FXYD4: variants seen among roughly 807,000 people sequenced by gnomAD.
FXYD4 encodes FXYD domain-containing ion transport regulator 4.
A neutral mutation model predicts 18.3 loss-of-function variants in FXYD4; 14 were observed. The observed-to-expected ratio is 0.77, with a 90% CI of 0.51 to 1.20. FXYD4 has a LOEUF of 1.20. Ranked by LOEUF, FXYD4 falls within the 50% of genes most tolerant of loss-of-function variation. The pLI, the probability that FXYD4 is intolerant of heterozygous loss-of-function variation, is 0.00. For synonymous variants in FXYD4, 40 were observed against 40.5 expected (o/e 0.99, Z 0.04); for missense variants, 99 against 106.1 (o/e 0.93, Z 0.29).
Position 43,373,574 on chromosome 10 carries a change from A to G in FXYD4, c.-173A>G, listed in dbSNP as rs1343837100. ...AGTTACTTTCCCAAGATCTCCCCAC[A>G]AGCAAGTGTATCCTTGGGGTTTGTA... On this transcript the variant is annotated 5_prime_UTR_variant, in exon 3 of 9. Transcript: ENST00000476166. 12 of 633,310 alleles carry G rather than the reference A, an allele frequency of 1.9e-5. No individual in the cohort carries two copies. The South Asian group carries it at 2.1e-4, about 11-fold the overall frequency. The allele number at this position is 633,310 out of a possible 1,614,324, so 39.2% of individuals were successfully genotyped here.
intron 7 of FXYD4, 113 bp from the exon 8 acceptor site, chr10:43,375,919 T>C: frequency 3.1e-6 from 4 of 1,281,654 alleles, no homozygotes; most frequent in South Asian, 2.4e-5. Flanking sequence ...GAAGTGACCA[T>C]GGAAGGAGAG....
In FXYD4 at chr10:43,371,639, C is replaced by G. The variant is rs1308926100; in HGVS notation, c.-337C>G. The G allele has an allele frequency of 1.3e-5, 2 of 152,142 alleles. No individual in the cohort carries two copies. Among genetic ancestry groups the G allele is most frequent in the Non-Finnish European group, 2.9e-5 (2 of 68,076 alleles). The allele number at this position is 152,142 out of a possible 1,614,324, so 9.4% of individuals were successfully genotyped here. A position where few individuals can be genotyped will look rare whatever the true frequency, so the allele number is the denominator to read the frequency against. ...GCCGACCCACGTGCCCAGCAGCCTC[C>G]TCAGATCCGTTCTCTGCGCTGCCAG... On this transcript the variant is annotated 5_prime_UTR_variant, in exon 1 of 9. Coordinates refer to ENST00000476166, the MANE Select transcript of FXYD4 (RefSeq NM_173160.3).
Position 43,376,265 on chromosome 10 carries a change from A to G in FXYD4, c.*99A>G. Reference sequence around the variant, plus strand: ...ATCCTCAAGGAAGGACTTCTCTCCAAGGGCAGGCTGTTAGGCCCCTTTCTG... The same window carrying G: ...ATCCTCAAGGAAGGACTTCTCTCCAGGGGCAGGCTGTTAGGCCCCTTTCTG... On this transcript the variant is annotated 3_prime_UTR_variant, in exon 9 of 9. Transcript: ENST00000476166. 1 of 1,352,500 alleles carries G rather than the reference A, an allele frequency of 7.4e-7. No individual in the cohort carries two copies. Among genetic ancestry groups the G allele is most frequent in the Non-Finnish European group, 1.1e-6 (1 of 950,748 alleles). 83.8% of individuals were successfully genotyped at this position (1,352,500 alleles called of 1,614,324 possible). A position where few individuals can be genotyped will look rare whatever the true frequency, so the allele number is the denominator to read the frequency against.
chr10:43,373,157 G>A (rs1837828516), intron 2 of FXYD4, among the ~76,000 whole-genome samples: 1 of 152,066 alleles, frequency 6.6e-6, no homozygotes, highest in Non-Finnish European at 1.5e-5. Flanking sequence ...CTTTTGTGGA[G>A]GCTCTCTGGG....
chr10:43,372,118 C>T (rs1837815046), intron 1 of FXYD4, among the ~76,000 whole-genome samples: 1 of 151,406 alleles, frequency 6.6e-6, no homozygotes, highest in South Asian at 2.1e-4. Context: ...CCTCGTATTC[C>T]AGGAACTCCA....
Position 43,375,570 on chromosome 10 carries a change from C to G in FXYD4, c.169C>G (p.Leu57Val). The change falls in exon 6 of 9, where the codon CTG becomes GTG. Residue 57 changes from leucine to valine, a missense_variant. Transcript: ENST00000476166. ...LLAIAGIAAV[L>V]SGKCKCKSSQ... Reference sequence around the variant, plus strand: ...GGCCATTGCTGGGATCGCGGCAGTTCTGAGTGAGTGGCAGGACAGGTGGGG... The same window carrying G: ...GGCCATTGCTGGGATCGCGGCAGTTGTGAGTGAGTGGCAGGACAGGTGGGG... 1.9e-6 allele frequency: 3 copies of G among 1,613,744 alleles called. No individual in the cohort carries two copies. The highest frequency in any genetic ancestry group is 2.5e-6 in the Non-Finnish European group (3 of 1,179,708).
Position 43,375,642 on chromosome 10 carries a change from G to A in FXYD4, c.173-53G>A. Reference sequence around the variant, plus strand: ...GCGGACAGGGTGGGGCAGAAAGAGAGAGTGCTCTCATTCCAGCACTGACCC... The same window carrying A: ...GCGGACAGGGTGGGGCAGAAAGAGAAAGTGCTCTCATTCCAGCACTGACCC... On this transcript the variant is annotated intron_variant, in intron 6 of 8. Coordinates refer to ENST00000476166, the MANE Select transcript of FXYD4 (RefSeq NM_173160.3). 3 of 1,608,782 alleles carry A rather than the reference G, an allele frequency of 1.9e-6. No individual in the cohort carries two copies. The Admixed American group carries it at 5.0e-5, about 27-fold the overall frequency.
At position 43,373,508 on chromosome 10, in the gene FXYD4, C is replaced by G. The variant is rs1427342616; in HGVS notation, c.-232-7C>G. On this transcript the variant is annotated splice_region_variant and splice_polypyrimidine_tract_variant and intron_variant, in intron 2 of 8. Coordinates refer to ENST00000476166, the MANE Select transcript of FXYD4 (RefSeq NM_173160.3). ...TTGTGCTTACTCAATCCACACAACT[C>G]CCCCAGGCCACCACCATCTCTAGAT... 14 of 577,286 alleles carry G rather than the reference C, an allele frequency of 2.4e-5. No homozygotes were observed. Among genetic ancestry groups the G allele is most frequent in the South Asian group, 4.3e-5 (2 of 46,730 alleles). 35.8% of individuals were successfully genotyped at this position (577,286 alleles called of 1,614,324 possible). A position where few individuals can be genotyped will look rare whatever the true frequency, so the allele number is the denominator to read the frequency against.
At chr10:43,375,962 G>C in intron 7 of FXYD4, 70 bp from the exon 8 acceptor site, 1 of 1,526,166 alleles carries the variant, frequency 6.6e-7, no homozygotes, top group South Asian at 1.1e-5. Context: ...CGGGCAGCAA[G>C]AGTCTGGGAT....
chr10:43,372,380 G>T (rs1837819148), intron 1 of FXYD4, among the ~76,000 whole-genome samples: 1 of 152,156 alleles, frequency 6.6e-6, no homozygotes, highest in Non-Finnish European at 1.5e-5. Flanking sequence ...CACCTTCCAG[G>T]TTTAAGTGAT....
chr10:43,375,585 G>C lies in FXYD4; in HGVS notation c.172+12G>C. On this transcript the variant is annotated intron_variant, in intron 6 of 8. Coordinates refer to ENST00000476166, the MANE Select transcript of FXYD4 (RefSeq NM_173160.3). ...CGCGGCAGTTCTGAGTGAGTGGCAG[G>C]ACAGGTGGGGCTGGAGGACAGGGTG... 6.2e-7 allele frequency: 1 copy of C among 1,612,876 alleles called. No homozygotes were observed. Among genetic ancestry groups the C allele is most frequent in the Non-Finnish European group, 8.5e-7 (1 of 1,178,898 alleles).
rs373942275 is a variant in FXYD4 at position 43,376,060 on chromosome 10, A to G, written c.241A>G (p.Ile81Val). The G allele has an allele frequency of 1.9e-5, 31 of 1,613,986 alleles. No individual in the cohort carries two copies. Among genetic ancestry groups the G allele is most frequent in the Non-Finnish European group, 2.5e-5 (29 of 1,180,002 alleles). ...TGTACCTGAGAAGGCCATCCCACTC[A>G]TCACTCCAGGTGAGACGGGCTTCTG... ...SPVPEKAIPL[I>V]TPGSATTC Residue 81 changes from isoleucine (I) to valine (V), a missense_variant, in exon 8 of 9, where the codon ATC becomes GTC. Transcript: ENST00000476166.
In FXYD4 at chr10:43,376,194, T is replaced by C. The variant is rs748379825; in HGVS notation, c.*28T>C. The C allele has an allele frequency of 4.6e-5, 74 of 1,612,158 alleles. No homozygotes were observed. Among genetic ancestry groups the C allele is most frequent in the Non-Finnish European group, 6.1e-5 (72 of 1,179,404 alleles). On this transcript the variant is annotated 3_prime_UTR_variant, in exon 9 of 9. Transcript: ENST00000476166. The stretch of plus-strand genomic sequence containing the variant: ...ACAGGACTGGCCTCCAGGGATGGCC[T>C]GAAGCCTAACACTGGCCCCCAGCAC...
chr10:43,376,246 A>C lies in FXYD4; in HGVS notation c.*80A>C. ...TCCTCCCCTGGGAGGCCTTATCCTC[A>C]AGGAAGGACTTCTCTCCAAGGGCAG... On this transcript the variant is annotated 3_prime_UTR_variant, in exon 9 of 9. Transcript: ENST00000476166. 8.1e-6 allele frequency: 12 copies of C among 1,488,962 alleles called. No individual in the cohort carries two copies. Among genetic ancestry groups the C allele is most frequent in the Non-Finnish European group, 1.1e-5 (12 of 1,069,896 alleles). 92.2% of individuals were successfully genotyped at this position (1,488,962 alleles called of 1,614,324 possible). A position where few individuals can be genotyped will look rare whatever the true frequency, so the allele number is the denominator to read the frequency against.
In FXYD4 at chr10:43,375,709, T is replaced by C; in HGVS notation, c.187T>C (p.Cys63Arg). The change falls in exon 7 of 9, where the codon TGC becomes CGC. Residue 63 changes from cysteine (C) to arginine (R), a missense_variant. Cys to Arg is a radical substitution (Grantham distance 180). Transcript: ENST00000476166. ...CTCTCTCCCAGGTGGCAAATGCAAA[T>C]GCAAGAGCAGCCAGAAGCAGCACAG... ...IAAVLSGKCK[C>R]KSSQKQHSPV... 6.2e-7 allele frequency: 1 copy of C among 1,614,062 alleles called. No homozygotes were observed. The highest frequency in any genetic ancestry group is 2.2e-5 in the East Asian group (1 of 44,866).
At chr10:43,372,437 AC>A (rs764803175) in intron 1 of FXYD4, among the ~76,000 whole-genome samples, 6 of 152,042 alleles carry the variant, frequency 3.9e-5, no homozygotes, top group Non-Finnish European at 7.4e-5. Flanking sequence ...GGCGCCTGTC[AC>A]CACACTCAGC....
chr10:43,374,747 G>A (rs1837848255), intron 5 of FXYD4, 108 bp downstream of exon 5: 2 of 913,124 alleles, frequency 2.2e-6, no homozygotes, highest in East Asian at 4.8e-5. Context: ...AAGTGGGATG[G>A]GGGATTAAAC....
chr10:43,372,667 G>A (rs1277944731), intron 1 of FXYD4, 60 bp from the exon 2 acceptor site: 1 of 152,220 alleles, frequency 6.6e-6, no homozygotes. Context: ...AGTAGTTCAC[G>A]TAATTCCATC....
In FXYD4 at chr10:43,372,738, A is replaced by G. The variant is rs1173891457; in HGVS notation, c.-267A>G. The G allele has an allele frequency of 6.6e-6, 1 of 152,226 alleles. No homozygotes were observed. The highest frequency in any genetic ancestry group is 2.4e-5 in the African/African-American group (1 of 41,462). The allele number at this position is 152,226 out of a possible 1,614,324, so 9.4% of individuals were successfully genotyped here. On this transcript the variant is annotated 5_prime_UTR_variant, in exon 2 of 9. Transcript: ENST00000476166. Reference sequence around the variant, plus strand: ...TCCTCCTTTTACAGGACACTGGTGAAGGAGCAGTGAGGAACCTGCAGAGTC... The same window carrying G: ...TCCTCCTTTTACAGGACACTGGTGAGGGAGCAGTGAGGAACCTGCAGAGTC...
Sources: allele counts gnomAD v4.1 joint callset (sites outside exome capture counted in the v4.1 genomes callset), GRCh38; gene constraint gnomAD v4.1.1; transcripts MANE v1.5; gene names NCBI Gene and HGNC (gene_info 2026-07-23, HGNC 2026-07-21).